CTNND2: variants seen among roughly 807,000 people sequenced by gnomAD.
The protein encoded by CTNND2 is catenin delta 2, also known as catenin delta-2.
In CTNND2, 22 loss-of-function variants were observed where a neutral mutation model predicts 144.4. The ratio of observed to expected loss-of-function variants is 0.15; its 90% CI spans 0.11 to 0.22. The LOEUF is 0.22. Ranked by LOEUF, CTNND2 falls within the 10% of genes least tolerant of loss-of-function variation. The pLI is 1.00. For missense variants in CTNND2, 1,353 were observed against 1,618.8 expected, an observed-to-expected ratio of 0.84 and a Z score of 2.82; for synonymous variants, 751 against 695.6, an observed-to-expected ratio of 1.08 and a Z score of -1.25.
chr5:11,321,389 T>G (rs1320932690), intron 9 of CTNND2, among the ~76,000 whole-genome samples: 1 of 152,178 alleles, frequency 6.6e-6, no homozygotes, highest in Non-Finnish European at 1.5e-5. Flanking sequence ...TTTGCTTGGT[T>G]GATGGTGGTA....
At chr5:11,438,816 G>A (rs1764002094) in intron 3 of CTNND2, among the ~76,000 whole-genome samples, 1 of 152,016 alleles carries the variant, frequency 6.6e-6, no homozygotes, top group Admixed American at 6.6e-5. Context: ...ATTAGCAATA[G>A]CAGGACAGTC....
chr5:11,141,917 T>C (rs1274151270), intron 12 of CTNND2, among the ~76,000 whole-genome samples: 6 of 152,206 alleles, frequency 3.9e-5, no homozygotes, highest in Non-Finnish European at 7.3e-5. Context: ...GGGCTCTCAA[T>C]GGATTAACAT....
At chr5:11,184,379 TTG>T (rs1159468735) in intron 11 of CTNND2, among the ~76,000 whole-genome samples, 1 of 152,196 alleles carries the variant, frequency 6.6e-6, no homozygotes, top group Non-Finnish European at 1.5e-5. Flanking sequence ...GAAAATAAAT[TTG>T]TGAACAGAGC....
intron 9 of CTNND2, among the ~76,000 whole-genome samples, chr5:11,246,288 G>A (rs1262329519): frequency 1.3e-5 from 2 of 152,192 alleles, no homozygotes; most frequent in African/African-American, 2.4e-5. Context: ...ACCTTAGAAC[G>A]TGACCTTATT....
At chr5:11,814,766 A>G (rs947727304) in intron 1 of CTNND2, among the ~76,000 whole-genome samples, 1 of 152,246 alleles carries the variant, frequency 6.6e-6, no homozygotes, top group African/African-American at 2.4e-5. Context: ...TCTACTTGAC[A>G]AAATAAAATA....
chr5:11,679,385 G>C (rs115978597), intron 2 of CTNND2, among the ~76,000 whole-genome samples: 2 of 152,160 alleles, frequency 1.3e-5, no homozygotes, highest in African/African-American at 2.4e-5. Context: ...ACTGATGCTT[G>C]TATCTCTATC....
At chr5:11,181,219 C>T (rs1022987092) in intron 11 of CTNND2, among the ~76,000 whole-genome samples, 1 of 152,134 alleles carries the variant, frequency 6.6e-6, no homozygotes, top group South Asian at 2.1e-4. Context: ...TCTCAATTCC[C>T]GGGAAAGAGG....
chr5:11,163,459 T>TA (rs1758995648), intron 11 of CTNND2, among the ~76,000 whole-genome samples: 1 of 152,234 alleles, frequency 6.6e-6, no homozygotes, highest in Non-Finnish European at 1.5e-5. Flanking sequence ...CCCTCACACT[T>TA]AGACAGTGGG....
At chr5:11,482,815 T>A (rs1383653889) in intron 3 of CTNND2, among the ~76,000 whole-genome samples, 1 of 151,958 alleles carries the variant, frequency 6.6e-6, no homozygotes, top group African/African-American at 2.4e-5. Context: ...AGATTCAGTA[T>A]CAGCAAGGAG....
chr5:11,015,909 G>A (rs535194857), intron 18 of CTNND2, among the ~76,000 whole-genome samples: 4 of 152,198 alleles, frequency 2.6e-5, no homozygotes, highest in Non-Finnish European at 4.4e-5. Context: ...TAACTAAGGA[G>A]GCTGGGATAG....
At chr5:11,115,077 C>T (rs1255458067) in intron 13 of CTNND2, among the ~76,000 whole-genome samples, 2 of 152,230 alleles carry the variant, frequency 1.3e-5, no homozygotes, top group Non-Finnish European at 1.5e-5. Context: ...CTGGCACTGT[C>T]TTGATGCCAG....
At chr5:11,017,397 G>A (rs1741727093) in intron 18 of CTNND2, among the ~76,000 whole-genome samples, 1 of 151,928 alleles carries the variant, frequency 6.6e-6, no homozygotes, top group African/African-American at 2.4e-5. Context: ...GTCACTGGGA[G>A]CACTGTCTTT....
At chr5:11,276,076 A>C (rs545375807) in intron 9 of CTNND2, among the ~76,000 whole-genome samples, 1 of 152,344 alleles carries the variant, frequency 6.6e-6, no homozygotes, top group African/African-American at 2.4e-5. Flanking sequence ...TTGATTTAAA[A>C]CAAATAAATC....
chr5:11,191,889 A>G (rs1392781509), intron 11 of CTNND2, among the ~76,000 whole-genome samples: 1 of 152,134 alleles, frequency 6.6e-6, no homozygotes, highest in African/African-American at 2.4e-5. Flanking sequence ...CCCCTGCTTC[A>G]CATCCTGCTG....
intron 9 of CTNND2, among the ~76,000 whole-genome samples, chr5:11,249,793 A>G (rs561907212): frequency 4.6e-5 from 7 of 152,068 alleles, no homozygotes; most frequent in African/African-American, 1.4e-4. Flanking sequence ...AACAAACAAA[A>G]AAAAAACCAA....
chr5:11,555,709 T>TAA (rs56958940), intron 3 of CTNND2, among the ~76,000 whole-genome samples: 2,607 of 150,390 alleles, frequency 0.017, 22 homozygotes, highest in Admixed American at 0.028. Flanking sequence ...AGAATTAAAA[T>TAA]AAAAAAAAAC....
chr5:11,879,966 T>C (rs1735906322), intron 1 of CTNND2, among the ~76,000 whole-genome samples: 1 of 152,160 alleles, frequency 6.6e-6, no homozygotes, highest in Admixed American at 6.5e-5. Context: ...TCTCCATGGC[T>C]ATGGAAGATT....
intron 2 of CTNND2, among the ~76,000 whole-genome samples, chr5:11,713,576 T>A (rs1426595792): frequency 9.4e-6 from 1 of 106,418 alleles, no homozygotes; most frequent in Non-Finnish European, 1.7e-5. Context: ...AGAGTGAGAC[T>A]CCATCTCAAA....
At chr5:11,498,809 C>T (rs1770242839) in intron 3 of CTNND2, among the ~76,000 whole-genome samples, 1 of 152,110 alleles carries the variant, frequency 6.6e-6, no homozygotes, top group Admixed American at 6.5e-5. Flanking sequence ...GTGAGGTTTT[C>T]TACATAGACT....
Sources: allele counts gnomAD v4.1 joint callset (sites outside exome capture counted in the v4.1 genomes callset), GRCh38; gene constraint gnomAD v4.1.1; transcripts MANE v1.5; gene names NCBI Gene and HGNC (gene_info 2026-07-23, HGNC 2026-07-21).